The following UTS2R variants were observed in gnomAD, a reference collection of about 807,000 sequenced individuals.
UTS2R encodes urotensin-2 receptor.
For synonymous variants in UTS2R, 335 were observed against 280.9 expected, an observed-to-expected ratio of 1.19 and a Z score of -1.93; for missense variants, 653 against 562.2, an observed-to-expected ratio of 1.16 and a Z score of -1.63.
At position 82,375,662 on chromosome 17, in the gene UTS2R, C is replaced by G. The variant is rs1399751858; in HGVS notation, c.*168C>G. ...GCCCTTCCCGTGATGCCCAGAAGCGCCCACCCGCCTCCCTGAGGGTCTCCA... is the reference window on the plus strand; with the variant it reads ...GCCCTTCCCGTGATGCCCAGAAGCGGCCACCCGCCTCCCTGAGGGTCTCCA... On this transcript the variant is annotated 3_prime_UTR_variant, in exon 3 of 3. Transcript: ENST00000313135. 1 of 476,530 alleles carries G rather than the reference C, an allele frequency of 2.1e-6. No homozygotes were observed. Among genetic ancestry groups the G allele is most frequent in the Non-Finnish European group, 3.7e-6 (1 of 272,964 alleles). 29.5% of individuals were successfully genotyped at this position (476,530 alleles called of 1,614,324 possible).
In UTS2R at chr17:82,377,070, C is replaced by T. The variant is rs932593420; in HGVS notation, c.*1576C>T. On this transcript the variant is annotated 3_prime_UTR_variant, in exon 3 of 3. Coordinates refer to ENST00000313135, the MANE Select transcript of UTS2R (RefSeq NM_018949.3). Reference sequence around the variant, plus strand: ...TTGAGAAATCGGATGGTTGCCGTGTCTGTGTAGAAAGAAGTAGACATGGGA... The same window carrying T: ...TTGAGAAATCGGATGGTTGCCGTGTTTGTGTAGAAAGAAGTAGACATGGGA... Among the ~76,000 whole-genome samples the T allele has an allele frequency of 1.3e-5, 2 of 152,198 alleles. No homozygotes were observed. The highest frequency in any genetic ancestry group is 4.8e-5 in the African/African-American group (2 of 41,446).
In UTS2R at chr17:82,375,401, G is replaced by C; in HGVS notation, c.1077G>C (p.Leu359=). 1 of 1,578,262 alleles carries C rather than the reference G, an allele frequency of 6.3e-7. No individual in the cohort carries two copies. The highest frequency in any genetic ancestry group is 8.5e-7 in the Non-Finnish European group (1 of 1,170,420). Residue 359 remains leucine (L), a synonymous_variant, in exon 3 of 3, where the codon CTG becomes CTC. Coordinates refer to ENST00000313135, the MANE Select transcript of UTS2R (RefSeq NM_018949.3). ...ARFQRCSGRS[L]SSCSPQPTDS... is the part of the protein sequence containing the mutation. ...TCCAGCGCTGTTCGGGCCGCTCCCT[G>C]TCTTCCTGCAGCCCACAGCCCACTG...
chr17:82,376,803 A>G lies in UTS2R; in HGVS notation c.*1309A>G, dbSNP rs1303803733. Among the ~76,000 whole-genome samples the G allele has an allele frequency of 6.6e-6, 1 of 152,156 alleles. No homozygotes were observed. Among genetic ancestry groups the G allele is most frequent in the East Asian group, 1.9e-4 (1 of 5,174 alleles). On this transcript the variant is annotated 3_prime_UTR_variant, in exon 3 of 3. Transcript: ENST00000313135. ...GACCTTGTCCCTCTGTTAAAATTGA[A>G]AGAGACTGATGTCAGCCGCCCCGTC... is the stretch of plus-strand genomic sequence containing the variant.
rs1343697145 is a variant in UTS2R at position 82,377,425 on chromosome 17, A to C, written c.*1931A>C. Reference sequence around the variant, plus strand: ...CCACTATTGTCCTATGACCCTGCCAAATCCCCCTCTGCGAGAAACACCCAA... The same window carrying C: ...CCACTATTGTCCTATGACCCTGCCACATCCCCCTCTGCGAGAAACACCCAA... On this transcript the variant is annotated 3_prime_UTR_variant, in exon 3 of 3. Coordinates refer to ENST00000313135, the MANE Select transcript of UTS2R (RefSeq NM_018949.3). 6.7e-6 allele frequency among the ~76,000 whole-genome samples: 1 copy of C among 149,796 alleles called. No homozygotes were observed. Among genetic ancestry groups the C allele is most frequent in the African/African-American group, 2.5e-5 (1 of 40,578 alleles).
chr17:82,375,079 CG>C lies in UTS2R; in HGVS notation c.760del (p.Ala254ArgfsTer46). On this transcript the variant is annotated frameshift_variant, in exon 3 of 3. Transcript: ENST00000313135. LOFTEE classifies it low-confidence loss of function (END_TRUNC). Reference protein sequence around the residue: ...QRASFKRARRPGARALRLVLG... With the variant: ...QRASFKRARRXGARALRLVLG... ...GCCTCCTTCAAGCGGGCCCGGCGGC[CG>C]GGGGCGCGCGCGCTGCGCCTGGTGC... 7 of 1,406,678 alleles carry C rather than the reference CG, an allele frequency of 5.0e-6. No individual in the cohort carries two copies. Among genetic ancestry groups the C allele is most frequent in the South Asian group, 1.6e-5 (1 of 62,644 alleles). 87.1% of individuals were successfully genotyped at this position (1,406,678 alleles called of 1,614,324 possible).
Position 82,371,795 on chromosome 17 carries a change from G to A in UTS2R, c.-521G>A, listed in dbSNP as rs1306004489. On this transcript the variant is annotated 5_prime_UTR_variant, in exon 1 of 3. Transcript: ENST00000313135. This position sits in a 1 kb window ranked among gnomAD's most constrained non-coding sequence, Gnocchi z 6.3. ...CCCAGCTGGCGGCGGGCAGGTGGCG[G>A]CGGCGCAGAGACCCGGCGCGGGGCG... 6.6e-6 allele frequency among the ~76,000 whole-genome samples: 1 copy of A among 151,368 alleles called. No homozygotes were observed. The highest frequency in any genetic ancestry group is 1.5e-5 in the Non-Finnish European group (1 of 67,778).
intron 1 of UTS2R, among the ~76,000 whole-genome samples, chr17:82,372,255 G>A (rs959824207): frequency 6.6e-6 from 1 of 152,144 alleles, no homozygotes; most frequent in Non-Finnish European, 1.5e-5. Context: ...CTAGCGGCCC[G>A]GCGGCCGCTG....
chr17:82,372,909 G>A (rs1294783536), intron 2 of UTS2R, among the ~76,000 whole-genome samples, 126 bp downstream of exon 2: 1 of 152,172 alleles, frequency 6.6e-6, no homozygotes, highest in Non-Finnish European at 1.5e-5. Context: ...GGCAGGGCCA[G>A]CTCCTCCACA....
At position 82,375,143 on chromosome 17, in the gene UTS2R, C is replaced by A. The variant is rs1212364910; in HGVS notation, c.819C>A (p.Pro273=). ...TGCTCTTCTGGGCCTGCTTCCTGCC[C>A]TTCTGGCTGTGGCAGCTGCTCGCCC... ...IVLLFWACFL[P]FWLWQLLAQY... The change falls in exon 3 of 3, where the codon CCC becomes CCA. Residue 273 remains proline (P), a synonymous_variant. Coordinates refer to ENST00000313135, the MANE Select transcript of UTS2R (RefSeq NM_018949.3). 3.9e-6 allele frequency: 6 copies of A among 1,536,644 alleles called. No homozygotes were observed. Among genetic ancestry groups the A allele is most frequent in the Non-Finnish European group, 5.3e-6 (6 of 1,142,306 alleles).
In UTS2R at chr17:82,375,198, A is replaced by G. The variant is rs1290241888; in HGVS notation, c.874A>G (p.Thr292Ala). Residue 292 changes from threonine to alanine, a missense_variant, in exon 3 of 3, where the codon ACG becomes GCG. Thr to Ala is a moderately conservative substitution (Grantham distance 58). Transcript: ENST00000313135. ...CCACCAGGCCCCGCTGGCGCCGCGG[A>G]CGGCGCGCATCGTCAACTACCTGAC... The part of the protein sequence containing the change: ...QYHQAPLAPR[T>A]ARIVNYLTTC... 7.0e-6 allele frequency: 11 copies of G among 1,563,834 alleles called. No individual in the cohort carries two copies. Among genetic ancestry groups the G allele is most frequent in the Non-Finnish European group, 8.6e-6 (10 of 1,156,592 alleles).
rs1460338877 is a variant in UTS2R at position 82,375,170 on chromosome 17, G to T, written c.846G>T (p.Gln282His). ...TCTGGCTGTGGCAGCTGCTCGCCCAGTACCACCAGGCCCCGCTGGCGCCGC... is the reference window on the plus strand; with the variant it reads ...TCTGGCTGTGGCAGCTGCTCGCCCATTACCACCAGGCCCCGCTGGCGCCGC... ...LPFWLWQLLA[Q>H]YHQAPLAPRT... Residue 282 changes from glutamine (Q) to histidine (H), a missense_variant, in exon 3 of 3, where the codon CAG (glutamine) becomes CAT (histidine). Coordinates refer to ENST00000313135, the MANE Select transcript of UTS2R (RefSeq NM_018949.3). 1 of 1,547,988 alleles carries T rather than the reference G, an allele frequency of 6.5e-7. No individual in the cohort carries two copies. The highest frequency in any genetic ancestry group is 8.7e-7 in the Non-Finnish European group (1 of 1,147,610).
At position 82,375,415 on chromosome 17, in the gene UTS2R, C is replaced by T; in HGVS notation, c.1091C>T (p.Pro364Leu). The T allele has an allele frequency of 6.3e-7, 1 of 1,575,924 alleles. No homozygotes were observed. The highest frequency in any genetic ancestry group is 1.1e-5 in the South Asian group (1 of 88,516). ...GGCCGCTCCCTGTCTTCCTGCAGCCCACAGCCCACTGACAGCCTCGTGCTG... is the reference window on the plus strand; with the variant it reads ...GGCCGCTCCCTGTCTTCCTGCAGCCTACAGCCCACTGACAGCCTCGTGCTG... ...CSGRSLSSCS[P>L]QPTDSLVLAP... The change falls in exon 3 of 3, where the codon CCA (proline) becomes CTA (leucine). Residue 364 changes from proline to leucine, a missense_variant. Transcript: ENST00000313135.
rs761212689 is a variant in UTS2R at position 82,374,292 on chromosome 17, A to T, written c.-33A>T. The T allele has an allele frequency of 1.3e-6, 2 of 1,499,074 alleles. No homozygotes were observed. The highest frequency in any genetic ancestry group is 4.2e-5 in the Admixed American group (2 of 47,520). 92.9% of individuals were successfully genotyped at this position (1,499,074 alleles called of 1,614,324 possible). A position where few individuals can be genotyped will look rare whatever the true frequency, so the allele number is the denominator to read the frequency against. Reference sequence around the variant, plus strand: ...CCCCGCCCCATCTCAGGGAGTGTCCACCCAGCCCTGAGCCCGTCGTGAGGG... The same window carrying T: ...CCCCGCCCCATCTCAGGGAGTGTCCTCCCAGCCCTGAGCCCGTCGTGAGGG... On this transcript the variant is annotated 5_prime_UTR_variant, in exon 3 of 3. Transcript: ENST00000313135.
At position 82,374,531 on chromosome 17, in the gene UTS2R, C is replaced by T; in HGVS notation, c.207C>T (p.Asn69=). 3 of 1,582,042 alleles carry T rather than the reference C, an allele frequency of 1.9e-6. No homozygotes were observed. The highest frequency in any genetic ancestry group is 1.1e-5 in the South Asian group (1 of 87,668). ...SAMGVVGVVG[N]AYTLVVTCRS... is the part of the protein sequence containing the mutation. The stretch of plus-strand genomic sequence containing the variant: ...TGGGCGTGGTGGGCGTGGTGGGCAA[C>T]GCCTACACGCTGGTGGTCACCTGCC... The change falls in exon 3 of 3, where the codon AAC becomes AAT. Residue 69 remains asparagine (N), a synonymous_variant. Transcript: ENST00000313135.
chr17:82,374,367 G>A lies in UTS2R; in HGVS notation c.43G>A (p.Ala15Thr), dbSNP rs770504751. The A allele has an allele frequency of 6.3e-7, 1 of 1,584,220 alleles. No individual in the cohort carries two copies. Among genetic ancestry groups the A allele is most frequent in the Non-Finnish European group, 8.5e-7 (1 of 1,172,554 alleles). The change falls in exon 3 of 3, where the codon GCC becomes ACC. Residue 15 changes from alanine to threonine, a missense_variant. Physicochemically the swap from Ala to Thr is moderately conservative, Grantham distance 58. Coordinates refer to ENST00000313135, the MANE Select transcript of UTS2R (RefSeq NM_018949.3). Reference sequence around the variant, plus strand: ...GTCCCCGAGCAGCTTCCCTGGGCTGGCCGCCACTGGCAGCTCTGTGCCGGA... The same window carrying A: ...GTCCCCGAGCAGCTTCCCTGGGCTGACCGCCACTGGCAGCTCTGTGCCGGA... ...PESPSSFPGLAATGSSVPEPP... is the reference protein window; with the variant it reads ...PESPSSFPGLTATGSSVPEPP...
At position 82,375,757 on chromosome 17, in the gene UTS2R, C is replaced by T. The variant is rs911331975; in HGVS notation, c.*263C>T. 8.7e-4 allele frequency among the ~76,000 whole-genome samples: 132 copies of T among 152,310 alleles called. No homozygotes were observed. The highest frequency in any genetic ancestry group is 6.9e-4 in the Non-Finnish European group (47 of 68,028). On this transcript the variant is annotated 3_prime_UTR_variant, in exon 3 of 3. Transcript: ENST00000313135. ...CACAGAGGGCAGCAGGCGCCAGTGC[C>T]CGGCCCGTGTGGAGACCATGGCGCG...
At chr17:82,372,530 A>G (rs1031752521) in intron 1 of UTS2R, among the ~76,000 whole-genome samples, 68 bp from the exon 2 acceptor site, 1 of 152,102 alleles carries the variant, frequency 6.6e-6, no homozygotes, top group African/African-American at 2.4e-5. Context: ...CTGCGCAGCC[A>G]TGAGTGTTCG....
rs868263620 is a variant in UTS2R at position 82,374,377 on chromosome 17, G to A, written c.53G>A (p.Gly18Asp). ...PSSFPGLAATGSSVPEPPGGP... is the reference protein window; with the variant it reads ...PSSFPGLAATDSSVPEPPGGP... ...AGCTTCCCTGGGCTGGCCGCCACTG[G>A]CAGCTCTGTGCCGGAGCCGCCTGGC... Residue 18 changes from glycine (G) to aspartate (D), a missense_variant, in exon 3 of 3, where the codon GGC (glycine) becomes GAC (aspartate). Physicochemically the swap from Gly to Asp is moderately conservative, Grantham distance 94 (BLOSUM62 -1). Coordinates refer to ENST00000313135, the MANE Select transcript of UTS2R (RefSeq NM_018949.3). The A allele has an allele frequency of 6.3e-7, 1 of 1,588,118 alleles. No individual in the cohort carries two copies. The highest frequency in any genetic ancestry group is 1.3e-5 in the African/African-American group (1 of 74,636).
In UTS2R at chr17:82,375,131, C is replaced by T; in HGVS notation, c.807C>T (p.Ala269=). Reference sequence around the variant, plus strand: ...TGGGCATCGTGCTGCTCTTCTGGGCCTGCTTCCTGCCCTTCTGGCTGTGGC... The same window carrying T: ...TGGGCATCGTGCTGCTCTTCTGGGCTTGCTTCCTGCCCTTCTGGCTGTGGC... The part of the protein sequence containing the change: ...LVLGIVLLFW[A]CFLPFWLWQL... Residue 269 remains alanine, a synonymous_variant, in exon 3 of 3, where the codon GCC becomes GCT. Coordinates refer to ENST00000313135, the MANE Select transcript of UTS2R (RefSeq NM_018949.3). 1 of 1,529,084 alleles carries T rather than the reference C, an allele frequency of 6.5e-7. No homozygotes were observed. Among genetic ancestry groups the T allele is most frequent in the African/African-American group, 1.4e-5 (1 of 70,522 alleles). The allele number at this position is 1,529,084 out of a possible 1,614,324, so 94.7% of individuals were successfully genotyped here. A position where few individuals can be genotyped will look rare whatever the true frequency, so the allele number is the denominator to read the frequency against.
Sources: gnomAD v4.1 joint callset for allele counts (sites outside exome capture counted in the v4.1 genomes callset) on GRCh38, gnomAD v4.1.1 for gene constraint, Gnocchi (gnomAD v3.1) non-coding constraint, MANE v1.5 for transcripts, NCBI Gene and HGNC (gene_info 2026-07-23, HGNC 2026-07-21) for gene names.